CSNK2A2IP: variants seen among roughly 807,000 people sequenced by gnomAD.
CSNK2A2IP encodes the protein casein kinase 2 subunit alpha' interacting protein.
chr3:88,386,035 T>C, the CSNK2A2IP span, among the ~76,000 whole-genome samples: 1 of 152,168 alleles, frequency 6.6e-6, no homozygotes, highest in African/African-American at 2.4e-5. Flanking sequence ...GTAAGAAAAT[T>C]GATTCATTTG....
the CSNK2A2IP span, chr3:88,465,477 C>G: frequency 3.2e-6 from 4 of 1,231,696 alleles, no homozygotes; most frequent in East Asian, 3.2e-5. Context: ...AATTCAATAA[C>G]CAACCTATGG....
the CSNK2A2IP span, among the ~76,000 whole-genome samples, chr3:88,386,677 T>C: frequency 1.3e-5 from 2 of 152,154 alleles, no homozygotes; most frequent in Middle Eastern, 3.2e-3. Context: ...TTGGATGTTA[T>C]TGGGGGGATA....
At chr3:88,377,734 A>G in the CSNK2A2IP span, among the ~76,000 whole-genome samples, 11 of 152,044 alleles carry the variant, frequency 7.2e-5, no homozygotes, top group African/African-American at 2.6e-4. Context: ...TGAAGAATAA[A>G]AAAGGTGTGT....
the CSNK2A2IP span, among the ~76,000 whole-genome samples, chr3:88,345,432 T>C: frequency 1.3e-5 from 2 of 152,028 alleles, no homozygotes; most frequent in African/African-American, 4.8e-5. Context: ...TTCACAGATA[T>C]TACATTTTTA....
the CSNK2A2IP span, among the ~76,000 whole-genome samples, chr3:88,420,846 G>T: frequency 6.6e-6 from 1 of 152,154 alleles, no homozygotes; most frequent in African/African-American, 2.4e-5. Context: ...GGTCCAATCA[G>T]AAATGATATT....
At chr3:88,423,436 T>C in the CSNK2A2IP span, among the ~76,000 whole-genome samples, 3 of 151,958 alleles carry the variant, frequency 2.0e-5, no homozygotes, top group Non-Finnish European at 2.9e-5. Context: ...TTACAAGGAG[T>C]TAGAAGTCTC....
At chr3:88,425,211 A>T in the CSNK2A2IP span, among the ~76,000 whole-genome samples, 1 of 152,116 alleles carries the variant, frequency 6.6e-6, no homozygotes, top group African/African-American at 2.4e-5. Context: ...ATTACAATAT[A>T]AATAATAAGG....
chr3:88,361,449 G>A, the CSNK2A2IP span, among the ~76,000 whole-genome samples: 6 of 151,804 alleles, frequency 4.0e-5, no homozygotes, highest in Non-Finnish European at 7.4e-5. Flanking sequence ...CTTACTTCTG[G>A]CCTGTAGGTT....
At chr3:88,357,573 T>C in the CSNK2A2IP span, among the ~76,000 whole-genome samples, 1 of 152,204 alleles carries the variant, frequency 6.6e-6, no homozygotes, top group Non-Finnish European at 1.5e-5. Context: ...TCTTTTGAGG[T>C]TCCACATAAA....
chr3:88,351,931 C>A, the CSNK2A2IP span, among the ~76,000 whole-genome samples: 2 of 151,986 alleles, frequency 1.3e-5, no homozygotes, highest in African/African-American at 4.8e-5. Flanking sequence ...GAAATTTTGT[C>A]CCAAGCCATA....
the CSNK2A2IP span, among the ~76,000 whole-genome samples, chr3:88,386,819 T>C: frequency 6.6e-6 from 1 of 152,076 alleles, no homozygotes; most frequent in Non-Finnish European, 1.5e-5. Context: ...GTAGCTGATA[T>C]GGGGAAGAAG....
At chr3:88,456,691 T>C in the CSNK2A2IP span, among the ~76,000 whole-genome samples, 1 of 151,424 alleles carries the variant, frequency 6.6e-6, no homozygotes, top group Non-Finnish European at 1.5e-5. Flanking sequence ...ATCCAATTCT[T>C]ACAGAACCAT....
the CSNK2A2IP span, among the ~76,000 whole-genome samples, chr3:88,381,519 C>A: frequency 6.6e-6 from 1 of 152,134 alleles, no homozygotes; most frequent in East Asian, 1.9e-4. Flanking sequence ...CTGGTTATAA[C>A]AAAGCATGAG....
At chr3:88,446,836 G>C in the CSNK2A2IP span, among the ~76,000 whole-genome samples, 1 of 152,114 alleles carries the variant, frequency 6.6e-6, no homozygotes, top group African/African-American at 2.4e-5. Flanking sequence ...ATGCTTTTAT[G>C]TTGGAAAGTT....
chr3:88,446,386 C>T, the CSNK2A2IP span, among the ~76,000 whole-genome samples: 1 of 152,088 alleles, frequency 6.6e-6, no homozygotes, highest in African/African-American at 2.4e-5. Context: ...CCGTGCCTGA[C>T]CTGATCTCAG....
At chr3:88,457,107 C>T in the CSNK2A2IP span, among the ~76,000 whole-genome samples, 2 of 152,094 alleles carry the variant, frequency 1.3e-5, no homozygotes, top group Admixed American at 6.5e-5. Flanking sequence ...GGGCTTTTTA[C>T]TGAGCGAGGA....
the CSNK2A2IP span, among the ~76,000 whole-genome samples, chr3:88,458,156 T>G: frequency 2.2e-5 from 3 of 138,082 alleles, no homozygotes; most frequent in Admixed American, 1.4e-4. Context: ...TTTTTTTTTT[T>G]TTTTTTTTTT....
At chr3:88,399,078 ATTAAC>A in the CSNK2A2IP span, among the ~76,000 whole-genome samples, 17 of 152,212 alleles carry the variant, frequency 1.1e-4, no homozygotes, top group Non-Finnish European at 1.9e-4. Flanking sequence ...TTAATAAAAT[ATTAAC>A]TTAATAGGAC....
At chr3:88,452,368 G>A in the CSNK2A2IP span, among the ~76,000 whole-genome samples, 1 of 152,094 alleles carries the variant, frequency 6.6e-6, no homozygotes, top group Non-Finnish European at 1.5e-5. Context: ...ATATTCTGTA[G>A]TTTTGTTAAA....
Sources: allele counts gnomAD v4.1 joint callset (sites outside exome capture counted in the v4.1 genomes callset), GRCh38; gene constraint gnomAD v4.1.1; transcripts MANE v1.5; gene names NCBI Gene and HGNC (gene_info 2026-07-23, HGNC 2026-07-21).